Variants in PTPRD observed in about 807,000 individuals in gnomAD.
PTPRD encodes receptor-type tyrosine-protein phosphatase delta.
In PTPRD, 34 loss-of-function variants were observed where a neutral mutation model predicts 214.5. That is an observed-to-expected ratio of 0.16 (90% CI 0.12 to 0.21). PTPRD has a LOEUF of 0.21. Among genes scored for constraint, PTPRD ranks in the 10% least tolerant of loss-of-function variants. The pLI is 1.00. For synonymous variants in PTPRD, 1,128 were observed against 845.7 expected, an observed-to-expected ratio of 1.33 and a Z score of -5.79; for missense variants, 2,545 against 2,398.7, an observed-to-expected ratio of 1.06 and a Z score of -1.27.
chr9:9,229,943 G>C (rs1171288602), intron 9 of PTPRD, among the ~76,000 whole-genome samples: 1 of 151,936 alleles, frequency 6.6e-6, no homozygotes, highest in African/African-American at 2.4e-5. Flanking sequence ...GATAATACTA[G>C]ATTCATTGTT....
chr9:10,415,893 GGAGA>G (rs1332489308), intron 2 of PTPRD, among the ~76,000 whole-genome samples: 1 of 151,684 alleles, frequency 6.6e-6, no homozygotes, highest in African/African-American at 2.4e-5. Flanking sequence ...AAGAAACAGC[GGAGA>G]GAAAGAAATC....
At chr9:9,322,823 A>ATAGT (rs1467487240) in intron 9 of PTPRD, among the ~76,000 whole-genome samples, 6 of 152,162 alleles carry the variant, frequency 3.9e-5, no homozygotes, top group African/African-American at 1.4e-4. Context: ...ACTGGCATGT[A>ATAGT]AGCATGTAAG....
At chr9:9,845,539 C>T (rs1035788305) in intron 5 of PTPRD, among the ~76,000 whole-genome samples, 2 of 151,730 alleles carry the variant, frequency 1.3e-5, no homozygotes. Flanking sequence ...GAGCTGTTTT[C>T]AATACCTAAG....
chr9:8,449,189 CTGAAG>C (rs1172311398), intron 34 of PTPRD, among the ~76,000 whole-genome samples: 2 of 152,098 alleles, frequency 1.3e-5, no homozygotes, highest in African/African-American at 2.4e-5. Context: ...AGTAAGAAGC[CTGAAG>C]TGATCAGTGA....
At chr9:9,803,382 T>C (rs941339120) in intron 5 of PTPRD, among the ~76,000 whole-genome samples, 4 of 151,990 alleles carry the variant, frequency 2.6e-5, no homozygotes, top group East Asian at 3.9e-4. Context: ...TTGAAGAAAC[T>C]ATTTTTTCAT....
intron 8 of PTPRD, among the ~76,000 whole-genome samples, chr9:9,543,125 A>G (rs1405645228): frequency 1.3e-5 from 2 of 151,732 alleles, no homozygotes. Flanking sequence ...TTAGCCATAA[A>G]AAGGAATGGG....
intron 7 of PTPRD, among the ~76,000 whole-genome samples, chr9:9,724,432 C>G (rs1165334702): frequency 6.6e-6 from 1 of 152,100 alleles, no homozygotes; most frequent in African/African-American, 2.4e-5. Flanking sequence ...GTCACTTGTA[C>G]TTTCTTTCCC....
chr9:10,142,046 G>A (rs1444861927), intron 3 of PTPRD, among the ~76,000 whole-genome samples: 2 of 151,792 alleles, frequency 1.3e-5, no homozygotes, highest in East Asian at 1.9e-4. Flanking sequence ...TTTAATAAAT[G>A]GTGCTGGGAA....
In PTPRD at chr9:8,376,669, C is replaced by G; in HGVS notation, c.4444G>C (p.Val1482Leu). ...RGTETHGLVQ[V>L]TLLDTVELAT... is the part of the protein sequence containing the mutation. ...AGCTCCACAGTATCAAGCAGCGTTA[C>G]TTGAACGAGTCCGTGGGTTTCTGTG... Residue 1482 changes from valine to leucine, a missense_variant, in exon 38 of 46, where the codon GTA becomes CTA. By Grantham distance (32) the Val-to-Leu change is conservative. Transcript: ENST00000381196. 6.2e-7 allele frequency: 1 copy of G among 1,613,146 alleles called. No homozygotes were observed. Among genetic ancestry groups the G allele is most frequent in the South Asian group, 1.1e-5 (1 of 91,070 alleles).
At chr9:10,586,409 G>A (rs546824879) in intron 2 of PTPRD, among the ~76,000 whole-genome samples, 1 of 151,912 alleles carries the variant, frequency 6.6e-6, no homozygotes, top group Non-Finnish European at 1.5e-5. Context: ...ATAAAAAAGT[G>A]AAATAGAAAA....
At chr9:10,267,084 G>C (rs765046776) in intron 3 of PTPRD, among the ~76,000 whole-genome samples, 1 of 151,612 alleles carries the variant, frequency 6.6e-6, no homozygotes, top group Non-Finnish European at 1.5e-5. Context: ...GCAGTTACTC[G>C]GGAGGCTGAG....
chr9:10,090,796 G>A (rs1381328349), intron 3 of PTPRD, among the ~76,000 whole-genome samples: 3 of 147,018 alleles, frequency 2.0e-5, no homozygotes, highest in Non-Finnish European at 4.5e-5. Context: ...TATTTTGATC[G>A]GCAGCATTTT....
At chr9:8,333,378 T>C (rs1020397963) in intron 43 of PTPRD, among the ~76,000 whole-genome samples, 2 of 152,138 alleles carry the variant, frequency 1.3e-5, no homozygotes, top group African/African-American at 4.8e-5. Context: ...GAGGAGAGAC[T>C]GCCTGACTTC....
chr9:9,747,636 T>A (rs1403262096), intron 6 of PTPRD, among the ~76,000 whole-genome samples: 2 of 150,792 alleles, frequency 1.3e-5, no homozygotes, highest in Admixed American at 1.3e-4. Flanking sequence ...AACCTTCGTC[T>A]CGCAGGTTCA....
intron 5 of PTPRD, among the ~76,000 whole-genome samples, chr9:9,924,000 T>C (rs193036682): frequency 9.5e-4 from 145 of 152,160 alleles, no homozygotes; most frequent in Admixed American, 8.4e-3. Flanking sequence ...TTCATTATTT[T>C]GTATATTTGA....
intron 11 of PTPRD, among the ~76,000 whole-genome samples, chr9:8,739,858 T>A (rs1336864641): frequency 6.6e-6 from 1 of 152,128 alleles, no homozygotes; most frequent in African/African-American, 2.4e-5. Flanking sequence ...TGAGATCTGA[T>A]GATTACGTAA....
At chr9:8,897,901 T>C (rs1043330426) in intron 11 of PTPRD, among the ~76,000 whole-genome samples, 49 of 152,320 alleles carry the variant, frequency 3.2e-4, no homozygotes, top group Non-Finnish European at 6.2e-4. Flanking sequence ...GCCTATATCA[T>C]GGAACCTTAG....
chr9:9,150,663 C>G (rs1173074252), intron 10 of PTPRD, among the ~76,000 whole-genome samples: 1 of 151,648 alleles, frequency 6.6e-6, no homozygotes, highest in African/African-American at 2.4e-5. Context: ...ATTTTCAGTA[C>G]AGACGGAGTT....
chr9:10,233,948 C>G (rs946686950), intron 3 of PTPRD, among the ~76,000 whole-genome samples: 1 of 151,702 alleles, frequency 6.6e-6, no homozygotes, highest in Non-Finnish European at 1.5e-5. Flanking sequence ...TCTAATTTCC[C>G]TTTATTCTTA....
Sources: gnomAD v4.1 joint callset for allele counts (sites outside exome capture counted in the v4.1 genomes callset) on GRCh38, gnomAD v4.1.1 for gene constraint, MANE v1.5 for transcripts, NCBI Gene and HGNC (gene_info 2026-07-23, HGNC 2026-07-21) for gene names.